GOLGA1: variants seen among roughly 807,000 people sequenced by gnomAD.
The protein encoded by GOLGA1 is golgin subfamily A member 1.
Under a neutral mutation model 119.7 loss-of-function variants are expected in GOLGA1, and 63 were observed. The ratio of observed to expected loss-of-function variants is 0.53; its 90% CI spans 0.43 to 0.65. The LOEUF is 0.65. Ranked by LOEUF, GOLGA1 falls within the 30% of genes least tolerant of loss-of-function variation. The pLI is 0.00. For synonymous variants in GOLGA1, 318 were observed against 333.4 expected, an observed-to-expected ratio of 0.95 and a Z score of 0.50; for missense variants, 798 against 912.8, an observed-to-expected ratio of 0.87 and a Z score of 1.62.
rs1486141312 is a variant in GOLGA1 at position 124,879,184 on chromosome 9, G to T, written c.*1346C>A. Reference sequence around the variant, plus strand: ...TACAACTTTCCATCACTGGATAATGGATAATAAATTTAGAGGCTCCAGTTA... The same window carrying T: ...TACAACTTTCCATCACTGGATAATGTATAATAAATTTAGAGGCTCCAGTTA... On this transcript the variant is annotated 3_prime_UTR_variant, in exon 23 of 23. Coordinates refer to ENST00000373555, the MANE Select transcript of GOLGA1 (RefSeq NM_002077.4). 1.3e-5 allele frequency: 2 copies of T among 152,192 alleles called. No homozygotes were observed. The highest frequency in any genetic ancestry group is 4.8e-5 in the African/African-American group (2 of 41,436). 9.4% of individuals were successfully genotyped at this position (152,192 alleles called of 1,614,324 possible). A position where few individuals can be genotyped will look rare whatever the true frequency, so the allele number is the denominator to read the frequency against.
chr9:124,921,689 C>T (rs1302239461), intron 9 of GOLGA1, 34 bp downstream of exon 9: 1 of 1,558,454 alleles, frequency 6.4e-7, no homozygotes, highest in Non-Finnish European at 8.8e-7. Context: ...ACACTAACAC[C>T]TCTTCCCAAG....
chr9:124,918,430 T>TC, intron 10 of GOLGA1, among the ~76,000 whole-genome samples: 1 of 152,202 alleles, frequency 6.6e-6, no homozygotes, highest in East Asian at 1.9e-4. Context: ...GCCCCATTTT[T>TC]CCAATTATAA....
intron 12 of GOLGA1, among the ~76,000 whole-genome samples, chr9:124,904,868 C>G (rs903035052): frequency 6.7e-6 from 1 of 149,440 alleles, no homozygotes; most frequent in African/African-American, 2.5e-5. Context: ...AACCAGGACA[C>G]AGGAGGCAGA....
intron 13 of GOLGA1, 60 bp downstream of exon 13, chr9:124,900,392 C>A (rs891937188): frequency 2.3e-6 from 2 of 879,588 alleles, no homozygotes; most frequent in Non-Finnish European, 3.9e-6. Context: ...GGAGCATCTG[C>A]AAAGGCCTGG....
chr9:124,900,401 G>A, intron 13 of GOLGA1, 51 bp downstream of exon 13: 1 of 934,676 alleles, frequency 1.1e-6, no homozygotes, highest in Non-Finnish European at 1.8e-6. Context: ...GCAAAGGCCT[G>A]GAGAGAAAGC....
chr9:124,904,378 G>A (rs1206966206), intron 12 of GOLGA1, among the ~76,000 whole-genome samples: 1 of 152,036 alleles, frequency 6.6e-6, no homozygotes, highest in Non-Finnish European at 1.5e-5. Flanking sequence ...GTACGACAAT[G>A]TACACTGATC....
chr9:124,918,895 G>A (rs1302975417), intron 10 of GOLGA1, among the ~76,000 whole-genome samples: 1 of 152,022 alleles, frequency 6.6e-6, no homozygotes, highest in Non-Finnish European at 1.5e-5. Flanking sequence ...AGTTCCTCTA[G>A]GAAGATTTCC....
intron 7 of GOLGA1, among the ~76,000 whole-genome samples, chr9:124,923,996 C>T (rs951903315): frequency 6.6e-6 from 1 of 152,148 alleles, no homozygotes; most frequent in Non-Finnish European, 1.5e-5. Context: ...CCTGAGACTA[C>T]AGGCATGCAC....
At chr9:124,930,705 A>C (rs577293840) in intron 4 of GOLGA1, among the ~76,000 whole-genome samples, 2 of 152,360 alleles carry the variant, frequency 1.3e-5, no homozygotes, top group African/African-American at 4.8e-5. Context: ...TTCCAAATGT[A>C]TCCACTGGCA....
rs1247317365 is a variant in GOLGA1, at chr9:124,881,433, G to A, written c.2137-176C>T. Reference sequence around the variant, plus strand: ...AGGTTCTTTCTTCCCCTGCATCCTCGGGGGCCTGGCAGGCTTAAGGGAACT... The same window carrying A: ...AGGTTCTTTCTTCCCCTGCATCCTCAGGGGCCTGGCAGGCTTAAGGGAACT... On this transcript the variant is annotated intron_variant, in intron 21 of 22. Transcript: ENST00000373555. The surrounding 1 kb of genome is among the most constrained non-coding windows in gnomAD (Gnocchi z 4.9). Among the ~76,000 whole-genome samples the A allele has an allele frequency of 2.0e-5, 3 of 152,166 alleles. No individual in the cohort carries two copies. The highest frequency in any genetic ancestry group is 4.4e-5 in the Non-Finnish European group (3 of 68,022).
chr9:124,920,580 C>T (rs528968372), intron 10 of GOLGA1, among the ~76,000 whole-genome samples: 39 of 152,172 alleles, frequency 2.6e-4, no homozygotes, highest in African/African-American at 8.0e-4. Context: ...AAAGGTACAG[C>T]CCTGGTCATG....
intron 15 of GOLGA1, among the ~76,000 whole-genome samples, chr9:124,895,106 C>CCACAA (rs1829937333): frequency 6.6e-6 from 1 of 151,646 alleles, no homozygotes; most frequent in Admixed American, 6.6e-5. Context: ...CAGAGACCCT[C>CCACAA]CACAACAGAG....
At chr9:124,923,330 G>T in intron 7 of GOLGA1, 107 bp from the exon 8 acceptor site, 1 of 873,734 alleles carries the variant, frequency 1.1e-6, no homozygotes, top group Non-Finnish European at 1.7e-6. Context: ...TAGAGACAGA[G>T]TCTCACTAGT....
At chr9:124,939,566 T>C (rs200132314) in intron 2 of GOLGA1, among the ~76,000 whole-genome samples, 4,143 of 136,780 alleles carry the variant, frequency 0.03, 271 homozygotes, top group East Asian at 0.24. Flanking sequence ...TTTTTTTTTT[T>C]TTTTTTTTTT....
rs752345053 is a variant in GOLGA1, at chr9:124,880,657, G to A, written c.2224-47C>T. On this transcript the variant is annotated intron_variant, in intron 22 of 22. Transcript: ENST00000373555. Reference sequence around the variant, plus strand: ...CTTCTGAGATGCAAATCAGGACTTGGTGCCAGGGAAACTGAACCGCCCCTC... The same window carrying A: ...CTTCTGAGATGCAAATCAGGACTTGATGCCAGGGAAACTGAACCGCCCCTC... The A allele has an allele frequency of 8.1e-6, 10 of 1,233,106 alleles. No individual in the cohort carries two copies. The South Asian group carries it at 1.2e-4, about 15-fold the overall frequency. 76.4% of individuals were successfully genotyped at this position (1,233,106 alleles called of 1,614,324 possible).
At chr9:124,914,293 C>G (rs1343284818) in intron 10 of GOLGA1, among the ~76,000 whole-genome samples, 1 of 152,066 alleles carries the variant, frequency 6.6e-6, no homozygotes, top group Non-Finnish European at 1.5e-5. Context: ...GTCAGGAGAT[C>G]GAGACCATCC....
intron 6 of GOLGA1, among the ~76,000 whole-genome samples, 195 bp from the exon 7 acceptor site, chr9:124,926,936 A>G (rs2131508830): frequency 6.6e-6 from 1 of 152,262 alleles, no homozygotes; most frequent in East Asian, 1.9e-4. Context: ...AAGAAAATGA[A>G]CTTTATCTAA....
intron 2 of GOLGA1, among the ~76,000 whole-genome samples, chr9:124,939,285 T>C (rs1206908489): frequency 1.3e-5 from 2 of 152,210 alleles, no homozygotes; most frequent in Non-Finnish European, 2.9e-5. Context: ...TAGTGTTCTT[T>C]AAGTTGAAGA....
At chr9:124,916,151 G>GT (rs1455880646) in intron 10 of GOLGA1, among the ~76,000 whole-genome samples, 3 of 145,634 alleles carry the variant, frequency 2.1e-5, no homozygotes, top group Non-Finnish European at 4.5e-5. Flanking sequence ...ACTTATTTAA[G>GT]TAAAAAAAAA....
Sources: allele counts gnomAD v4.1 joint callset (sites outside exome capture counted in the v4.1 genomes callset), GRCh38; gene constraint gnomAD v4.1.1; non-coding constraint Gnocchi (gnomAD v3.1); transcripts MANE v1.5; gene names NCBI Gene and HGNC (gene_info 2026-07-23, HGNC 2026-07-21).